The following CDC42BPA variants were observed in gnomAD, a reference collection of about 807,000 sequenced individuals.
CDC42BPA encodes the protein CDC42 binding protein kinase alpha.
In CDC42BPA, 80 loss-of-function variants were observed where a neutral mutation model predicts 223.5. That is an observed-to-expected ratio of 0.36 (90% confidence interval 0.30 to 0.43). The LOEUF (loss-of-function observed/expected upper bound fraction) is 0.43. Among genes scored for constraint, CDC42BPA ranks in the 20% least tolerant of loss-of-function variants. The pLI, the probability that CDC42BPA is intolerant of heterozygous loss-of-function variation, is 1.00. For synonymous variants in CDC42BPA, 694 were observed against 718.6 expected (o/e 0.97, Z 0.55); for missense variants, 1,743 against 2,099.9 (o/e 0.83, Z 3.32).
intron 32 of CDC42BPA, among the ~76,000 whole-genome samples, chr1:227,017,408 T>A (rs1002478081): frequency 6.6e-6 from 1 of 152,194 alleles, no homozygotes; most frequent in Admixed American, 6.5e-5. Context: ...TTGATTTCAA[T>A]GGCTTAGGGT....
At chr1:227,170,012 T>C (rs1301480369) in intron 5 of CDC42BPA, among the ~76,000 whole-genome samples, 2 of 152,188 alleles carry the variant, frequency 1.3e-5, no homozygotes, top group African/African-American at 4.8e-5. Context: ...ATGGCCTCAA[T>C]AATATCTCTC....
At chr1:227,032,308 T>A (rs1442436523) in intron 27 of CDC42BPA, among the ~76,000 whole-genome samples, 2 of 152,160 alleles carry the variant, frequency 1.3e-5, no homozygotes, top group Non-Finnish European at 2.9e-5. Context: ...TAGGCTCCCT[T>A]GGTGGCTGGG....
intron 2 of CDC42BPA, among the ~76,000 whole-genome samples, chr1:227,214,712 C>A (rs1329276499): frequency 6.6e-6 from 1 of 152,062 alleles, no homozygotes; most frequent in African/African-American, 2.4e-5. Flanking sequence ...CTGAAAGACT[C>A]CAAAACTTAG....
intron 10 of CDC42BPA, among the ~76,000 whole-genome samples, chr1:227,132,320 A>C (rs1241236724): frequency 6.6e-6 from 1 of 151,876 alleles, no homozygotes; most frequent in Non-Finnish European, 1.5e-5. Context: ...TTTGGTGGAG[A>C]CGGGGTTTCG....
chr1:227,247,160 A>G (rs777419993), intron 2 of CDC42BPA, among the ~76,000 whole-genome samples: 28 of 152,016 alleles, frequency 1.8e-4, no homozygotes, highest in South Asian at 6.2e-4. Context: ...AGATCGTGTC[A>G]CTGCACTCTA....
At chr1:227,249,504 A>G (rs1268006709) in intron 2 of CDC42BPA, among the ~76,000 whole-genome samples, 1 of 152,234 alleles carries the variant, frequency 6.6e-6, no homozygotes, top group African/African-American at 2.4e-5. Context: ...CACAGTGAAG[A>G]GACAACCCAC....
chr1:227,033,234 T>C (rs1377083290), intron 27 of CDC42BPA, 100 bp downstream of exon 27: 2 of 686,716 alleles, frequency 2.9e-6, no homozygotes, highest in South Asian at 1.9e-5. Flanking sequence ...AATATAAGAT[T>C]TGGTTTTACT....
intron 3 of CDC42BPA, among the ~76,000 whole-genome samples, chr1:227,210,127 G>T (rs1673609484): frequency 6.6e-6 from 1 of 152,168 alleles, no homozygotes; most frequent in Non-Finnish European, 1.5e-5. Context: ...ATCGTTGTTG[G>T]ACATTTGGGT....
chr1:227,294,859 C>CAAA (rs397983087), intron 1 of CDC42BPA, among the ~76,000 whole-genome samples: 216 of 12,812 alleles, frequency 0.017, 86 homozygotes, highest in Non-Finnish European at 0.018. Context: ...GACTCCGTCT[C>CAAA]AAAAAAAAAA....
chr1:227,271,884 G>A (rs146677900), intron 1 of CDC42BPA, among the ~76,000 whole-genome samples: 21 of 152,182 alleles, frequency 1.4e-4, no homozygotes, highest in Non-Finnish European at 2.5e-4. Context: ...CACTAATAAT[G>A]TATAAATCAA....
chr1:227,038,524 T>C (rs1446686261), intron 24 of CDC42BPA, among the ~76,000 whole-genome samples: 1 of 152,238 alleles, frequency 6.6e-6, no homozygotes, highest in East Asian at 1.9e-4. Flanking sequence ...TTGTTCATGC[T>C]CTGTCTGAAG....
intron 1 of CDC42BPA, among the ~76,000 whole-genome samples, chr1:227,296,691 G>T: frequency 7.4e-6 from 1 of 134,914 alleles, no homozygotes; most frequent in Non-Finnish European, 1.5e-5. Flanking sequence ...GGGAAACAGA[G>T]AGAGACTCTC....
rs1558436462 is a variant in CDC42BPA at position 227,074,375 on chromosome 1, T to TAA, written c.2481-13_2481-12dup. 9 of 1,591,350 alleles carry TAA rather than the reference T, an allele frequency of 5.7e-6. No individual in the cohort carries two copies. The highest frequency in any genetic ancestry group is 7.7e-6 in the Non-Finnish European group (9 of 1,164,978). On this transcript the variant is annotated splice_polypyrimidine_tract_variant and intron_variant, in intron 17 of 36. Transcript: ENST00000366766. ...TTTTCATCGCTGACCCTAGAATATA[T>TAA]AAAGACAAAGTACAAAAGTAAAACA...
chr1:227,258,808 A>G (rs1164474110), intron 1 of CDC42BPA, among the ~76,000 whole-genome samples: 1 of 151,122 alleles, frequency 6.6e-6, no homozygotes. Flanking sequence ...TATCCACCAA[A>G]AAGTTCATTT....
intron 21 of CDC42BPA, among the ~76,000 whole-genome samples, chr1:227,066,251 C>T (rs541373868): frequency 1.3e-5 from 2 of 151,802 alleles, no homozygotes; most frequent in Admixed American, 6.6e-5. Context: ...TAGCTAGGCA[C>T]GGGGGGCATG....
intron 3 of CDC42BPA, among the ~76,000 whole-genome samples, chr1:227,210,937 C>T (rs535668636): frequency 6.6e-6 from 1 of 152,250 alleles, no homozygotes; most frequent in East Asian, 1.9e-4. Flanking sequence ...ATGTAGGACA[C>T]TTCTCAAGAG....
rs777941139 is a variant in CDC42BPA, at chr1:227,317,225, T to C, written c.-43A>G. The C allele has an allele frequency of 1.3e-6, 2 of 1,571,752 alleles. No homozygotes were observed. The highest frequency in any genetic ancestry group is 2.3e-5 in the East Asian group (1 of 44,314). On this transcript the variant is annotated 5_prime_UTR_variant, in exon 1 of 37. Transcript: ENST00000366766. ...CTGGTTTTCCTTTAAATTATTATGATGACTTTTACTATTATCTGAACCTAA... is the reference window on the plus strand; with the variant it reads ...CTGGTTTTCCTTTAAATTATTATGACGACTTTTACTATTATCTGAACCTAA...
chr1:227,185,018 C>T (rs991302566), intron 5 of CDC42BPA, among the ~76,000 whole-genome samples: 1 of 152,096 alleles, frequency 6.6e-6, no homozygotes, highest in Admixed American at 6.6e-5. Context: ...ATAGTAATAG[C>T]CCCTTTGAGT....
chr1:227,130,186 G>A (rs1006439273), intron 10 of CDC42BPA, among the ~76,000 whole-genome samples: 1 of 152,042 alleles, frequency 6.6e-6, no homozygotes, highest in Non-Finnish European at 1.5e-5. Context: ...TAGGTATTCT[G>A]CTATTTATGG....
Sources: allele counts gnomAD v4.1 joint callset (sites outside exome capture counted in the v4.1 genomes callset), GRCh38; gene constraint gnomAD v4.1.1; transcripts MANE v1.5; gene names NCBI Gene and HGNC (gene_info 2026-07-23, HGNC 2026-07-21).